The following LHFPL3 variants were observed in gnomAD, a reference collection of about 807,000 sequenced individuals.
LHFPL3 encodes the protein LHFPL tetraspan subfamily member 3 protein.
In LHFPL3, 5 loss-of-function variants were observed where a neutral mutation model predicts 19.3. The ratio of observed to expected loss-of-function variants is 0.26; its 90% CI spans 0.14 to 0.54. LHFPL3 has a LOEUF of 0.54. LHFPL3 is among the 20% of genes least tolerant of loss of function. The probability of loss-of-function intolerance (pLI) is 0.94; values close to 1 mark genes in which losing one functional copy is unlikely to be tolerated. For missense variants in LHFPL3, 249 were observed against 307.4 expected (o/e 0.81, Z 1.42); for synonymous variants, 133 against 126.2 (o/e 1.05, Z -0.36).
intron 1 of LHFPL3, among the ~76,000 whole-genome samples, chr7:104,682,940 C>G (rs1363086598): frequency 6.6e-6 from 1 of 152,130 alleles, no homozygotes; most frequent in Non-Finnish European, 1.5e-5. Flanking sequence ...TATTTCTTTT[C>G]AGTTGTATTT....
chr7:104,516,729 C>G (rs952682150), intron 1 of LHFPL3, among the ~76,000 whole-genome samples: 1 of 152,042 alleles, frequency 6.6e-6, no homozygotes, highest in Non-Finnish European at 1.5e-5. Context: ...TTATGGAAGA[C>G]AGTGTGATGA....
chr7:104,687,696 C>A (rs1004613941), intron 1 of LHFPL3, among the ~76,000 whole-genome samples: 1 of 152,162 alleles, frequency 6.6e-6, no homozygotes, highest in Non-Finnish European at 1.5e-5. Flanking sequence ...GAAAATATAA[C>A]AGTTCCCTAT....
At chr7:104,845,151 A>C (rs1391535959) in intron 2 of LHFPL3, among the ~76,000 whole-genome samples, 5 of 152,230 alleles carry the variant, frequency 3.3e-5, no homozygotes, top group Non-Finnish European at 5.9e-5. Flanking sequence ...AAGGTAAGAC[A>C]CTTGCCCAGG....
intron 1 of LHFPL3, among the ~76,000 whole-genome samples, chr7:104,498,835 C>A (rs1482443834): frequency 6.6e-6 from 1 of 152,100 alleles, no homozygotes; most frequent in East Asian, 1.9e-4. Context: ...CTTAGAAATG[C>A]CAGCTCTCAG....
chr7:104,659,063 A>G (rs185086243), intron 1 of LHFPL3, among the ~76,000 whole-genome samples: 1 of 152,358 alleles, frequency 6.6e-6, no homozygotes, highest in East Asian at 1.9e-4. Flanking sequence ...TGAACGTGCC[A>G]TGCACTTACA....
intron 1 of LHFPL3, among the ~76,000 whole-genome samples, chr7:104,646,455 T>A (rs1341518189): frequency 6.6e-6 from 1 of 152,222 alleles, no homozygotes; most frequent in East Asian, 1.9e-4. Flanking sequence ...TGAGCTTTAT[T>A]TCTGTGAAAT....
chr7:104,474,194 C>G (rs1248921415), intron 1 of LHFPL3, among the ~76,000 whole-genome samples: 3 of 152,190 alleles, frequency 2.0e-5, no homozygotes, highest in Non-Finnish European at 4.4e-5. Context: ...TTTAGTTCAT[C>G]ACCTGTCTTC....
intron 2 of LHFPL3, 111 bp from the exon 3 acceptor site, chr7:104,906,076 G>A: frequency 1.0e-6 from 1 of 980,338 alleles, no homozygotes; most frequent in South Asian, 1.4e-5. Flanking sequence ...ACCATTCATT[G>A]GTATAGTTTT....
intron 1 of LHFPL3, among the ~76,000 whole-genome samples, chr7:104,359,131 C>CA (rs1554380839): frequency 6.6e-6 from 1 of 152,188 alleles, no homozygotes; most frequent in Non-Finnish European, 1.5e-5. Flanking sequence ...CTTCTATTTA[C>CA]GCCTATGCTT....
At chr7:104,347,746 G>A (rs1034221576) in intron 1 of LHFPL3, among the ~76,000 whole-genome samples, 1 of 152,070 alleles carries the variant, frequency 6.6e-6, no homozygotes, top group Non-Finnish European at 1.5e-5. Flanking sequence ...ACAAAAATTA[G>A]TCGGGCGTGG....
At chr7:104,542,727 T>G (rs1363648767) in intron 1 of LHFPL3, among the ~76,000 whole-genome samples, 1 of 152,146 alleles carries the variant, frequency 6.6e-6, no homozygotes, top group Non-Finnish European at 1.5e-5. Flanking sequence ...TGCTTCCTTT[T>G]TCATCTACTT....
intron 2 of LHFPL3, among the ~76,000 whole-genome samples, chr7:104,866,841 G>A (rs1791732265): frequency 6.6e-6 from 1 of 152,162 alleles, no homozygotes; most frequent in Admixed American, 6.5e-5. Flanking sequence ...GCACTCCTCA[G>A]CAAATGTAAA....
intron 1 of LHFPL3, among the ~76,000 whole-genome samples, chr7:104,349,924 C>G (rs537135504): frequency 6.6e-6 from 1 of 152,094 alleles, no homozygotes; most frequent in African/African-American, 2.4e-5. Context: ...AGTGTTATTG[C>G]GAAGCTAGTT....
At chr7:104,672,087 G>GTA (rs776836530) in intron 1 of LHFPL3, among the ~76,000 whole-genome samples, 13 of 147,500 alleles carry the variant, frequency 8.8e-5, no homozygotes, top group African/African-American at 3.0e-4. Context: ...GTGTGTGTGT[G>GTA]TTTGCAATGG....
intron 1 of LHFPL3, among the ~76,000 whole-genome samples, chr7:104,566,358 CA>C (rs776405587): frequency 5.9e-5 from 9 of 152,006 alleles, no homozygotes; most frequent in Admixed American, 2.6e-4. Context: ...CTCTCAAAAA[CA>C]AAAACTCACC....
chr7:104,535,265 G>T (rs1032248847), intron 1 of LHFPL3, among the ~76,000 whole-genome samples: 5 of 152,184 alleles, frequency 3.3e-5, no homozygotes, highest in Admixed American at 3.3e-4. Context: ...TATATAACTT[G>T]ATGAGAATTT....
intron 2 of LHFPL3, among the ~76,000 whole-genome samples, chr7:104,902,253 G>A (rs35336178): frequency 2.0e-5 from 3 of 150,926 alleles, no homozygotes; most frequent in South Asian, 2.1e-4. Context: ...ATGGTAACGC[G>A]TGCCTGTGGT....
At chr7:104,692,170 T>C (rs183387709) in intron 1 of LHFPL3, among the ~76,000 whole-genome samples, 8 of 152,354 alleles carry the variant, frequency 5.3e-5, no homozygotes, top group African/African-American at 1.7e-4. Context: ...AATTCAGTTT[T>C]ATGTATTCAC....
intron 2 of LHFPL3, among the ~76,000 whole-genome samples, chr7:104,870,809 G>A (rs1791820299): frequency 6.6e-6 from 1 of 152,140 alleles, no homozygotes; most frequent in African/African-American, 2.4e-5. Flanking sequence ...TTCTGGAGGA[G>A]GACGCAGCCA....
Sources: allele counts gnomAD v4.1 joint callset (sites outside exome capture counted in the v4.1 genomes callset), GRCh38; gene constraint gnomAD v4.1.1; transcripts MANE v1.5; gene names NCBI Gene and HGNC (gene_info 2026-07-23, HGNC 2026-07-21).